PLCZ1: variants seen among roughly 807,000 people sequenced by gnomAD.
PLCZ1 encodes the protein 1-phosphatidylinositol 4,5-bisphosphate phosphodiesterase zeta-1.
A neutral mutation model predicts 76.8 loss-of-function variants in PLCZ1; 64 were observed. That is an observed-to-expected ratio of 0.83 (90% CI 0.68 to 1.03). PLCZ1 has a LOEUF of 1.03. Ranked by LOEUF, PLCZ1 falls within the 50% of genes least tolerant of loss-of-function variation. PLCZ1 has a pLI of 0.00. For missense variants in PLCZ1, 751 were observed against 713.7 expected, an observed-to-expected ratio of 1.05 and a Z score of -0.60; for synonymous variants, 248 against 230.8, an observed-to-expected ratio of 1.07 and a Z score of -0.68.
At chr12:18,647,649 T>C in the PLCZ1 span, among the ~76,000 whole-genome samples, 8 of 150,640 alleles carry the variant, frequency 5.3e-5, no homozygotes, top group South Asian at 1.7e-3. Context: ...GTGGAATCAG[T>C]AAATTCTAGG....
At chr12:18,733,781 G>A (rs2150763292) in intron 3 of PLCZ1, among the ~76,000 whole-genome samples, 1 of 152,134 alleles carries the variant, frequency 6.6e-6, no homozygotes, top group Admixed American at 6.5e-5. Context: ...TATATATGAA[G>A]GGGTTTATTT....
chr12:18,705,461 T>C, intron 6 of PLCZ1, 146 bp from the exon 7 acceptor site: 1 of 996,160 alleles, frequency 1.0e-6, no homozygotes, highest in Non-Finnish European at 1.5e-6. Flanking sequence ...TGAAAGTACT[T>C]TTGAGTTTGG....
At chr12:18,647,986 C>A in the PLCZ1 span, 1 of 1,593,828 alleles carries the variant, frequency 6.3e-7, no homozygotes, top group Non-Finnish European at 8.6e-7. Context: ...GTGTCCCACT[C>A]GATAAAGAAA....
At chr12:18,657,667 C>A in the PLCZ1 span, among the ~76,000 whole-genome samples, 2 of 152,108 alleles carry the variant, frequency 1.3e-5, no homozygotes, top group Non-Finnish European at 2.9e-5. Context: ...AGGCACTAAA[C>A]AAACAACTAC....
chr12:18,684,873 G>A (rs1952854738), intron 13 of PLCZ1, among the ~76,000 whole-genome samples: 1 of 152,052 alleles, frequency 6.6e-6, no homozygotes, highest in Middle Eastern at 3.4e-3. Context: ...GATAGTGAGT[G>A]AGTACTCATG....
intron 5 of PLCZ1, among the ~76,000 whole-genome samples, chr12:18,713,219 T>C (rs1801644218): frequency 6.6e-6 from 1 of 152,062 alleles, no homozygotes; most frequent in South Asian, 2.1e-4. Flanking sequence ...GCTAGTCAAA[T>C]GTTTTACTCT....
intron 4 of PLCZ1, 104 bp from the exon 5 acceptor site, chr12:18,719,736 C>T (rs945408455): frequency 4.1e-5 from 29 of 714,222 alleles, no homozygotes; most frequent in Non-Finnish European, 5.9e-5. Flanking sequence ...GAGCATATTT[C>T]TAAAATATTC....
intron 5 of PLCZ1, chr12:18,715,827 G>T (rs561159319): frequency 6.6e-6 from 1 of 152,166 alleles, no homozygotes; most frequent in African/African-American, 2.4e-5. Context: ...TTGTTTGTTT[G>T]TTTGTTTAAG....
chr12:18,672,954 G>A, the PLCZ1 span, among the ~76,000 whole-genome samples: 2 of 152,278 alleles, frequency 1.3e-5, no homozygotes, highest in African/African-American at 2.4e-5. Context: ...CAGCTTTCAG[G>A]AAGAAGTGAG....
chr12:18,687,145 A>G (rs928537744), intron 13 of PLCZ1, among the ~76,000 whole-genome samples: 13 of 152,094 alleles, frequency 8.5e-5, no homozygotes, highest in Non-Finnish European at 1.3e-4. Context: ...CCCATTGATA[A>G]CATAGGATAA....
chr12:18,708,751 C>A (rs1268397949), intron 6 of PLCZ1, among the ~76,000 whole-genome samples: 1 of 152,090 alleles, frequency 6.6e-6, no homozygotes, highest in Non-Finnish European at 1.5e-5. Flanking sequence ...ATTTGCATTT[C>A]CCTGGTGACT....
At position 18,705,262 on chromosome 12, in the gene PLCZ1, T is replaced by TAA; in HGVS notation, c.767_768insTT (p.Gln256HisfsTer5). ...GCAAATTGTCTGCCATTACTTCTTG[T>TAA]TGGGCAGTGGAGCAGTGATTTTCTA... On this transcript the variant is annotated frameshift_variant, in exon 7 of 15. Coordinates refer to ENST00000266505, the MANE Select transcript of PLCZ1 (RefSeq NM_033123.4). LOFTEE classifies it high-confidence loss of function. 1 of 1,614,022 alleles carries TAA rather than the reference T, an allele frequency of 6.2e-7. No individual in the cohort carries two copies. The highest frequency in any genetic ancestry group is 1.7e-5 in the Admixed American group (1 of 60,016).
chr12:18,699,653 TA>T lies in PLCZ1; in HGVS notation c.1174+140del. ...AAAACTTAATGAGACCTGAGGTATG[TA>T]ACCCCATTCTAAATTATGTTAAATG... On this transcript the variant is annotated intron_variant, in intron 10 of 14. Coordinates refer to ENST00000266505, the MANE Select transcript of PLCZ1 (RefSeq NM_033123.4). The T allele has an allele frequency of 4.5e-6, 4 of 891,938 alleles. No individual in the cohort carries two copies. In the South Asian group the frequency reaches 5.9e-5, roughly 13 times the overall value. The allele number at this position is 891,938 out of a possible 1,614,324, so 55.3% of individuals were successfully genotyped here. A position where few individuals can be genotyped will look rare whatever the true frequency, so the allele number is the denominator to read the frequency against.
the PLCZ1 span, among the ~76,000 whole-genome samples, chr12:18,666,091 A>T: frequency 6.6e-6 from 1 of 152,112 alleles, no homozygotes; most frequent in East Asian, 1.9e-4. Flanking sequence ...TTAAGAAAAT[A>T]ACTTAAAAGT....
Position 18,701,694 on chromosome 12 carries a change from C to G in PLCZ1, c.947G>C (p.Arg316Pro), listed in dbSNP as rs200642156. 6.2e-7 allele frequency: 1 copy of G among 1,612,150 alleles called. No individual in the cohort carries two copies. Among genetic ancestry groups the G allele is most frequent in the Non-Finnish European group, 8.5e-7 (1 of 1,179,122 alleles). Residue 316 changes from arginine (R) to proline (P), a missense_variant and splice_region_variant, in exon 8 of 15, where the codon CGT becomes CCT. By Grantham distance (103) the Arg-to-Pro change is moderately radical. Transcript: ENST00000266505. ...ETHERKGSDK[R>P]GDNQDKETGV... The stretch of plus-strand genomic sequence containing the variant: ...TTCTTCCCATTCCTCCACCTTACCA[C>G]GCTTATCAGAACCTTTTCTTTCATG...
chr12:18,651,046 A>C, the PLCZ1 span, among the ~76,000 whole-genome samples: 1 of 151,860 alleles, frequency 6.6e-6, no homozygotes, highest in Admixed American at 6.6e-5. Flanking sequence ...CAAGCCTTTA[A>C]AATAACCTAA....
chr12:18,737,142 A>G (rs1959430472), intron 2 of PLCZ1, among the ~76,000 whole-genome samples: 1 of 152,204 alleles, frequency 6.6e-6, no homozygotes, highest in African/African-American at 2.4e-5. Context: ...CCTTAAATTT[A>G]ATAGTTATGA....
the PLCZ1 span, among the ~76,000 whole-genome samples, chr12:18,660,171 C>T: frequency 2.0e-5 from 3 of 152,100 alleles, no homozygotes; most frequent in Non-Finnish European, 4.4e-5. Context: ...AATTTCAGTA[C>T]ATTTAGGTCA....
chr12:18,660,877 T>C, the PLCZ1 span, among the ~76,000 whole-genome samples: 2 of 151,644 alleles, frequency 1.3e-5, no homozygotes, highest in East Asian at 1.9e-4. Flanking sequence ...TTTAAAACAA[T>C]TGATAGTCAA....
Sources: allele counts gnomAD v4.1 joint callset (sites outside exome capture counted in the v4.1 genomes callset), GRCh38; gene constraint gnomAD v4.1.1; transcripts MANE v1.5; gene names NCBI Gene and HGNC (gene_info 2026-07-23, HGNC 2026-07-21).